The following SCAPER variants were observed in gnomAD, a reference collection of about 807,000 sequenced individuals.
The protein encoded by SCAPER is S-phase cyclin A associated protein in the ER.
In SCAPER, 98 loss-of-function variants were observed where a neutral mutation model predicts 182.2. The observed-to-expected ratio is 0.54, with a 90% CI of 0.46 to 0.64. The LOEUF is 0.64. Among genes scored for constraint, SCAPER ranks in the 30% least tolerant of loss-of-function variants. The probability of loss-of-function intolerance (pLI) is 0.00; values close to 1 mark genes in which losing one functional copy is unlikely to be tolerated. For missense variants in SCAPER, 1,432 were observed against 1,690.0 expected (o/e 0.85, Z 2.68); for synonymous variants, 605 against 564.6 (o/e 1.07, Z -1.01).
chr15:76,532,495 C>T (rs2043764515), intron 23 of SCAPER, among the ~76,000 whole-genome samples: 1 of 152,068 alleles, frequency 6.6e-6, no homozygotes, highest in Non-Finnish European at 1.5e-5. Context: ...AACCACCATG[C>T]CAGGGCTACT....
intron 1 of SCAPER, among the ~76,000 whole-genome samples, chr15:76,899,395 C>T (rs543525053): frequency 3.3e-5 from 5 of 152,350 alleles, no homozygotes; most frequent in South Asian, 4.1e-4. Flanking sequence ...AGCTCCTGGC[C>T]TCGGATGAAC....
At chr15:76,857,965 A>ATTAT (rs2071548310) in intron 3 of SCAPER, 86 bp from the exon 4 acceptor site, 9 of 916,570 alleles carry the variant, frequency 9.8e-6, no homozygotes, top group Admixed American at 4.6e-5. Context: ...GATAATGTAA[A>ATTAT]CCTAAACTAC....
chr15:76,569,000 T>C (rs2047246389), intron 23 of SCAPER, among the ~76,000 whole-genome samples: 1 of 152,090 alleles, frequency 6.6e-6, no homozygotes. Flanking sequence ...ATATATAACA[T>C]ATCATTTGCT....
At chr15:76,810,101 C>T (rs1176979313) in intron 5 of SCAPER, among the ~76,000 whole-genome samples, 1 of 151,962 alleles carries the variant, frequency 6.6e-6, no homozygotes, top group Non-Finnish European at 1.5e-5. Context: ...ACAAGAAAAG[C>T]TAAAAAAGTT....
intron 1 of SCAPER, among the ~76,000 whole-genome samples, chr15:76,893,073 A>C (rs1385861115): frequency 1.3e-5 from 2 of 152,254 alleles, no homozygotes; most frequent in Non-Finnish European, 2.9e-5. Flanking sequence ...TCACAAGGAC[A>C]GAAAACCAAA....
At chr15:76,639,664 C>T (rs2053940249) in intron 21 of SCAPER, among the ~76,000 whole-genome samples, 1 of 152,124 alleles carries the variant, frequency 6.6e-6, no homozygotes, top group South Asian at 2.1e-4. Flanking sequence ...ATTATGAGGA[C>T]TTACACCCCG....
intron 26 of SCAPER, among the ~76,000 whole-genome samples, chr15:76,421,552 T>G (rs1015575929): frequency 6.6e-6 from 1 of 152,200 alleles, no homozygotes; most frequent in Non-Finnish European, 1.5e-5. Flanking sequence ...TTGCAAAAAT[T>G]TTCTCCCATT....
At chr15:76,894,693 G>A (rs1279360094) in intron 1 of SCAPER, among the ~76,000 whole-genome samples, 1 of 152,070 alleles carries the variant, frequency 6.6e-6, no homozygotes, top group Non-Finnish European at 1.5e-5. Flanking sequence ...AATTACAAAT[G>A]TAAGAGGAAA....
At chr15:76,789,247 A>G (rs909780990) in intron 8 of SCAPER, among the ~76,000 whole-genome samples, 1 of 152,168 alleles carries the variant, frequency 6.6e-6, no homozygotes, top group African/African-American at 2.4e-5. Flanking sequence ...AATTAAAACA[A>G]AAATCGTAAG....
chr15:76,656,463 AC>A (rs2055643995), intron 21 of SCAPER, among the ~76,000 whole-genome samples: 1 of 152,162 alleles, frequency 6.6e-6, no homozygotes, highest in Non-Finnish European at 1.5e-5. Flanking sequence ...AGACTTCAGT[AC>A]CCCACTGACA....
intron 26 of SCAPER, among the ~76,000 whole-genome samples, chr15:76,413,504 T>A (rs980217653): frequency 6.6e-6 from 1 of 152,208 alleles, no homozygotes; most frequent in Non-Finnish European, 1.5e-5. Flanking sequence ...CATTTTTGCA[T>A]GTCTTGTGAG....
chr15:76,511,789 GT>G (rs1201014053), intron 23 of SCAPER, among the ~76,000 whole-genome samples: 1 of 150,352 alleles, frequency 6.7e-6, no homozygotes, highest in Admixed American at 6.6e-5. Context: ...TGCTCACAAT[GT>G]TTGCTGAATG....
chr15:76,629,554 A>T (rs977374233), intron 21 of SCAPER, among the ~76,000 whole-genome samples: 3 of 152,096 alleles, frequency 2.0e-5, no homozygotes, highest in Non-Finnish European at 1.5e-5. Context: ...TTATGTGATG[A>T]ATTATGTTTA....
At chr15:76,853,291 A>AGGAGG (rs1238604577) in intron 4 of SCAPER, among the ~76,000 whole-genome samples, 1 of 152,170 alleles carries the variant, frequency 6.6e-6, no homozygotes, top group Admixed American at 6.5e-5. Context: ...CTATTCCAAA[A>AGGAGG]AATTGAGGAG....
At chr15:76,453,634 T>C (rs1229513040) in intron 25 of SCAPER, among the ~76,000 whole-genome samples, 1 of 152,216 alleles carries the variant, frequency 6.6e-6, no homozygotes, top group Non-Finnish European at 1.5e-5. Context: ...CTGTTTACTT[T>C]GATCATTTGG....
intron 24 of SCAPER, among the ~76,000 whole-genome samples, chr15:76,486,228 A>ACAAC (rs1173472686): frequency 6.6e-6 from 1 of 151,954 alleles, no homozygotes; most frequent in African/African-American, 2.4e-5. Context: ...AAACAAACAA[A>ACAAC]CAAATACCCA....
Position 76,444,611 on chromosome 15 carries a change from C to T in SCAPER, c.3079-10301G>A, listed in dbSNP as rs540225084. Reference sequence around the variant, plus strand: ...TGTGGTCTGCTCTGCTTCTTGAACCCACACATTTACATCTTTTGCCAAATT... The same window carrying T: ...TGTGGTCTGCTCTGCTTCTTGAACCTACACATTTACATCTTTTGCCAAATT... On this transcript the variant is annotated intron_variant, in intron 25 of 31. Coordinates refer to ENST00000563290, the MANE Select transcript of SCAPER (RefSeq NM_020843.4). Among the ~76,000 whole-genome samples the T allele has an allele frequency of 5.9e-5, 9 of 152,236 alleles. No homozygotes were observed. In the East Asian group the frequency reaches 1.3e-3, roughly 23 times the overall value.
chr15:76,531,302 T>C (rs2043641252), intron 23 of SCAPER, among the ~76,000 whole-genome samples: 1 of 152,128 alleles, frequency 6.6e-6, no homozygotes, highest in African/African-American at 2.4e-5. Flanking sequence ...TTGTTTTCTT[T>C]ATCAGTCTGG....
chr15:76,426,375 A>C (rs893653762), intron 26 of SCAPER, among the ~76,000 whole-genome samples: 1 of 152,160 alleles, frequency 6.6e-6, no homozygotes, highest in African/African-American at 2.4e-5. Flanking sequence ...GCTAGCAATG[A>C]GTGAGGCTCC....
Sources: gnomAD v4.1 joint callset for allele counts (sites outside exome capture counted in the v4.1 genomes callset) on GRCh38, gnomAD v4.1.1 for gene constraint, MANE v1.5 for transcripts, NCBI Gene and HGNC (gene_info 2026-07-23, HGNC 2026-07-21) for gene names.